THSD4: variants seen among roughly 807,000 people sequenced by gnomAD.
The protein encoded by THSD4 is thrombospondin type-1 domain-containing protein 4.
In THSD4, 69 loss-of-function variants were observed where a neutral mutation model predicts 119.0. That is an observed-to-expected ratio of 0.58 (90% CI 0.48 to 0.71). THSD4 has a LOEUF of 0.71. THSD4 is among the 30% of genes least tolerant of loss of function. THSD4 has a pLI of 0.00. For synonymous variants in THSD4, 524 were observed against 540.4 expected, an observed-to-expected ratio of 0.97 and a Z score of 0.42; for missense variants, 1,393 against 1,391.1, an observed-to-expected ratio of 1.00 and a Z score of -0.02.
At chr15:71,514,494 A>C (rs954151852) in intron 7 of THSD4, among the ~76,000 whole-genome samples, 2 of 152,152 alleles carry the variant, frequency 1.3e-5, no homozygotes, top group Non-Finnish European at 1.5e-5. Flanking sequence ...GAATGTTACA[A>C]ATCAATTCTT....
At chr15:71,676,079 A>G (rs1220379435) in intron 8 of THSD4, among the ~76,000 whole-genome samples, 1 of 152,266 alleles carries the variant, frequency 6.6e-6, no homozygotes, top group Non-Finnish European at 1.5e-5. Flanking sequence ...ATCTTGCCTC[A>G]GCAGACCTTC....
rs1455505444 is a variant in THSD4, at chr15:71,746,982, C to A, written c.2181C>A (p.Thr727=). The change falls in exon 13 of 18, where the codon ACC becomes ACA. Residue 727 remains threonine (T), a synonymous_variant. Transcript: ENST00000261862. ...GCCAGCACCTGGAGAAACCTGAGAC[C>A]ACCAGCACCTGCCAACTCAAGATCT... ...YRCQHLEKPE[T]TSTCQLKICS... The A allele has an allele frequency of 6.2e-7, 1 of 1,613,616 alleles. No individual in the cohort carries two copies. Among genetic ancestry groups the A allele is most frequent in the South Asian group, 1.1e-5 (1 of 91,050 alleles).
chr15:71,688,755 AAG>A (rs1464972625), intron 8 of THSD4, among the ~76,000 whole-genome samples: 1 of 143,338 alleles, frequency 7.0e-6, no homozygotes. Context: ...GTGACAGAGC[AAG>A]AGAGAGAAGA....
chr15:71,674,313 A>G (rs910113728), intron 8 of THSD4, among the ~76,000 whole-genome samples: 1 of 152,102 alleles, frequency 6.6e-6, no homozygotes, highest in Non-Finnish European at 1.5e-5. Flanking sequence ...TCCAGCTGGG[A>G]TGCTCTTGGA....
At chr15:71,198,120 G>T (rs550807718) in intron 3 of THSD4, among the ~76,000 whole-genome samples, 4 of 152,306 alleles carry the variant, frequency 2.6e-5, no homozygotes, top group African/African-American at 9.6e-5. Context: ...AATTGACCAG[G>T]CATGGTGCCA....
At chr15:71,556,590 TAATAA>T (rs2049021774) in intron 7 of THSD4, among the ~76,000 whole-genome samples, 1 of 141,310 alleles carries the variant, frequency 7.1e-6, no homozygotes, top group African/African-American at 3.2e-5. Flanking sequence ...AAAAAAATAA[TAATAA>T]TTGAAAAATA....
At chr15:71,227,209 T>C (rs533963591) in intron 4 of THSD4, among the ~76,000 whole-genome samples, 121 of 152,336 alleles carry the variant, frequency 7.9e-4, no homozygotes, top group African/African-American at 2.9e-3. Flanking sequence ...TTGCGGTATT[T>C]CATTAAGTGT....
intron 6 of THSD4, among the ~76,000 whole-genome samples, chr15:71,325,436 G>A (rs751917722): frequency 8.5e-5 from 13 of 152,302 alleles, no homozygotes; most frequent in Non-Finnish European, 1.5e-4. Context: ...AACTGATTTT[G>A]TCTGCATGTA....
At chr15:71,676,714 A>G (rs992385118) in intron 8 of THSD4, among the ~76,000 whole-genome samples, 2 of 152,214 alleles carry the variant, frequency 1.3e-5, no homozygotes, top group African/African-American at 4.8e-5. Context: ...TACAAGTAGA[A>G]TCACACAGTA....
At position 71,388,663 on chromosome 15, in the gene THSD4, AGT is replaced by A. The variant is rs55923750; in HGVS notation, c.1016-22995_1016-22994del. ...AGTATTGATTTGATTCTTTGGAGAGAGTGTGTGTGTGTGTGTGTGTGTGTGTG... is the reference window on the plus strand; with the variant it reads ...AGTATTGATTTGATTCTTTGGAGAGAGTGTGTGTGTGTGTGTGTGTGTGTG... On this transcript the variant is annotated intron_variant, in intron 6 of 17. Coordinates refer to ENST00000261862, the MANE Select transcript of THSD4 (RefSeq NM_024817.3). 5.4e-4 allele frequency among the ~76,000 whole-genome samples: 72 copies of A among 134,212 alleles called. 1 individual carries two copies. The highest frequency in any genetic ancestry group is 1.4e-3 in the Admixed American group (17 of 12,524). 88.0% of individuals were successfully genotyped at this position (134,212 alleles called of 152,430 possible).
intron 7 of THSD4, among the ~76,000 whole-genome samples, chr15:71,582,028 T>C (rs2049569848): frequency 6.6e-6 from 1 of 152,146 alleles, no homozygotes; most frequent in Non-Finnish European, 1.5e-5. Context: ...AGGATTGTTT[T>C]TCAGTTTCTG....
intron 7 of THSD4, among the ~76,000 whole-genome samples, chr15:71,459,850 G>T (rs545610020): frequency 2.6e-5 from 4 of 152,240 alleles, no homozygotes; most frequent in South Asian, 4.2e-4. Context: ...GAGGTATTAG[G>T]CAGATAAGCT....
chr15:71,503,952 G>T (rs1175516440), intron 7 of THSD4, among the ~76,000 whole-genome samples: 1 of 152,186 alleles, frequency 6.6e-6, no homozygotes, highest in African/African-American at 2.4e-5. Flanking sequence ...TGACCATGAA[G>T]AATCAGTTTA....
chr15:71,528,674 C>A (rs2048563977), intron 7 of THSD4, among the ~76,000 whole-genome samples: 1 of 152,220 alleles, frequency 6.6e-6, no homozygotes, highest in Non-Finnish European at 1.5e-5. Flanking sequence ...CCCTCACTGG[C>A]TACCTTTTGT....
intron 7 of THSD4, among the ~76,000 whole-genome samples, chr15:71,489,631 C>T (rs1258993875): frequency 1.3e-5 from 2 of 152,104 alleles, no homozygotes; most frequent in Non-Finnish European, 2.9e-5. Context: ...TCCTCTATAC[C>T]TCTGGAGAAA....
chr15:71,142,650 A>G (rs1399691168), intron 2 of THSD4, among the ~76,000 whole-genome samples: 2 of 152,228 alleles, frequency 1.3e-5, no homozygotes, highest in East Asian at 3.8e-4. Context: ...TTAGCTGTGT[A>G]GCATTAAGAA....
chr15:71,110,437 T>C (rs1476856939), intron 1 of THSD4: 2 of 152,272 alleles, frequency 1.3e-5, no homozygotes, highest in African/African-American at 2.4e-5. Flanking sequence ...TCTTGCTCAT[T>C]TGAAAATGAC....
chr15:71,765,566 A>C (rs1429962390), intron 16 of THSD4, among the ~76,000 whole-genome samples: 1 of 152,162 alleles, frequency 6.6e-6, no homozygotes, highest in Non-Finnish European at 1.5e-5. Context: ...ATTTTGAGCA[A>C]TGCTGCCATA....
In THSD4 at chr15:71,377,867, A is replaced by AACACACACACACACACAC. The variant is rs376497737; in HGVS notation, c.1016-33790_1016-33773dup. On this transcript the variant is annotated intron_variant, in intron 6 of 17. Coordinates refer to ENST00000261862, the MANE Select transcript of THSD4 (RefSeq NM_024817.3). ...CTTCTCTATTCCCGGACATATCCACAACACACACACACACACACACACACA... is the reference window on the plus strand; with the variant it reads ...CTTCTCTATTCCCGGACATATCCACAACACACACACACACACACACACACACACACACACACACACACA... Among the ~76,000 whole-genome samples the AACACACACACACACACAC allele has an allele frequency of 1.5e-3, 126 of 86,318 alleles. 2 individuals are homozygous for AACACACACACACACACAC. The highest frequency in any genetic ancestry group is 5.1e-3 in the African/African-American group (119 of 23,156). 56.6% of individuals were successfully genotyped at this position (86,318 alleles called of 152,430 possible). A position where few individuals can be genotyped will look rare whatever the true frequency, so the allele number is the denominator to read the frequency against.
Sources: allele counts gnomAD v4.1 joint callset (sites outside exome capture counted in the v4.1 genomes callset), GRCh38; gene constraint gnomAD v4.1.1; transcripts MANE v1.5; gene names NCBI Gene and HGNC (gene_info 2026-07-23, HGNC 2026-07-21).